The following PTPRN2 variants were observed in gnomAD, a reference collection of about 807,000 sequenced individuals.
The protein encoded by PTPRN2 is protein tyrosine phosphatase receptor type N2.
In PTPRN2, 74 loss-of-function variants were observed where a neutral mutation model predicts 118.8. The observed-to-expected ratio is 0.62, with a 90% CI of 0.52 to 0.76. PTPRN2 has a LOEUF of 0.76. PTPRN2 is among the 30% of genes least tolerant of loss of function. The pLI is 0.00. For synonymous variants in PTPRN2, 641 were observed against 608.0 expected, an observed-to-expected ratio of 1.05 and a Z score of -0.80; for missense variants, 1,481 against 1,394.4, an observed-to-expected ratio of 1.06 and a Z score of -0.99.
chr7:158,327,460 C>T (rs1454581864), intron 2 of PTPRN2, among the ~76,000 whole-genome samples: 1 of 142,778 alleles, frequency 7.0e-6, no homozygotes, highest in Non-Finnish European at 1.6e-5. Flanking sequence ...CCTGCTCACA[C>T]ATGTACACGT....
At chr7:157,712,756 A>C (rs1048798074) in intron 12 of PTPRN2, among the ~76,000 whole-genome samples, 3 of 106,238 alleles carry the variant, frequency 2.8e-5, no homozygotes, top group Non-Finnish European at 5.1e-5. Context: ...CATCTCAAAA[A>C]AAAAAAAAAA....
intron 11 of PTPRN2, among the ~76,000 whole-genome samples, chr7:158,042,498 G>A (rs963095361): frequency 3.3e-5 from 5 of 152,222 alleles, no homozygotes; most frequent in Admixed American, 6.5e-5. Context: ...AAAGAGATGA[G>A]AGATCCATGG....
At chr7:158,056,196 A>G (rs1809777957) in intron 11 of PTPRN2, among the ~76,000 whole-genome samples, 1 of 152,174 alleles carries the variant, frequency 6.6e-6, no homozygotes, top group South Asian at 2.1e-4. Context: ...ATCTCGCCTG[A>G]AAGGTCACCT....
At chr7:158,363,523 C>T (rs1809178210) in intron 2 of PTPRN2, among the ~76,000 whole-genome samples, 1 of 152,224 alleles carries the variant, frequency 6.6e-6, no homozygotes, top group African/African-American at 2.4e-5. Context: ...TCCTGGTGAG[C>T]GCTTTCCTGA....
chr7:158,458,783 G>A (rs1256733963), intron 2 of PTPRN2, among the ~76,000 whole-genome samples: 2 of 152,202 alleles, frequency 1.3e-5, no homozygotes, highest in East Asian at 3.9e-4. Context: ...TAAGAGCAGA[G>A]ACTCTGCCTC....
At chr7:158,412,787 C>G (rs1353440699) in intron 2 of PTPRN2, among the ~76,000 whole-genome samples, 2 of 134,196 alleles carry the variant, frequency 1.5e-5, no homozygotes, top group South Asian at 2.6e-4. Context: ...CCATCCAGCA[C>G]CCTCCTCAGC....
chr7:157,815,732 C>T (rs1311407381), intron 12 of PTPRN2, among the ~76,000 whole-genome samples: 1 of 152,178 alleles, frequency 6.6e-6, no homozygotes, highest in Non-Finnish European at 1.5e-5. Context: ...TGTAGAGATC[C>T]TGGGACAGAC....
chr7:158,138,826 A>G (rs1460533457), intron 6 of PTPRN2, among the ~76,000 whole-genome samples: 1 of 152,212 alleles, frequency 6.6e-6, no homozygotes. Context: ...CCAAGCCAGG[A>G]AGAGAGATGG....
intron 10 of PTPRN2, among the ~76,000 whole-genome samples, chr7:158,085,822 G>A (rs560727551): frequency 1.5e-4 from 9 of 58,684 alleles, no homozygotes; most frequent in African/African-American, 4.0e-4. Flanking sequence ...CCACACCCAC[G>A]ATGCCCATCC....
At chr7:158,399,835 G>C (rs921967258) in intron 2 of PTPRN2, among the ~76,000 whole-genome samples, 14 of 152,192 alleles carry the variant, frequency 9.2e-5, no homozygotes, top group African/African-American at 3.1e-4. Context: ...GTGTAGCTGA[G>C]GTATTTAAAC....
intron 14 of PTPRN2, among the ~76,000 whole-genome samples, chr7:157,650,334 C>G (rs1457502587): frequency 6.6e-6 from 1 of 152,248 alleles, no homozygotes; most frequent in African/African-American, 2.4e-5. Flanking sequence ...ATGTACCCCT[C>G]CATGTGCAGG....
chr7:157,651,316 T>C (rs1019595153), intron 14 of PTPRN2, among the ~76,000 whole-genome samples: 2 of 152,226 alleles, frequency 1.3e-5, no homozygotes, highest in African/African-American at 4.8e-5. Flanking sequence ...GTGCCCTCAG[T>C]GCCTCAGGAC....
intron 12 of PTPRN2, among the ~76,000 whole-genome samples, chr7:157,778,680 C>T (rs1803489376): frequency 6.6e-6 from 1 of 151,238 alleles, no homozygotes; most frequent in Non-Finnish European, 1.5e-5. Context: ...TAAACATGTC[C>T]ATGTGAATAC....
chr7:157,995,537 C>G (rs1403662762), intron 11 of PTPRN2, among the ~76,000 whole-genome samples: 2 of 152,274 alleles, frequency 1.3e-5, no homozygotes, highest in Non-Finnish European at 2.9e-5. Context: ...AAACACACCC[C>G]AAGGTTTGTT....
At chr7:158,511,475 T>C (rs953105524) in intron 1 of PTPRN2, among the ~76,000 whole-genome samples, 1 of 152,188 alleles carries the variant, frequency 6.6e-6, no homozygotes, top group African/African-American at 2.4e-5. Flanking sequence ...CATCCACATC[T>C]TGTAGAACAA....
At chr7:158,329,711 T>C (rs1178382443) in intron 2 of PTPRN2, among the ~76,000 whole-genome samples, 3 of 152,184 alleles carry the variant, frequency 2.0e-5, no homozygotes, top group Non-Finnish European at 4.4e-5. Flanking sequence ...TATTATCCCA[T>C]TGACGCCATG....
At chr7:157,665,917 C>T (rs911096175) in intron 13 of PTPRN2, among the ~76,000 whole-genome samples, 6 of 152,212 alleles carry the variant, frequency 3.9e-5, no homozygotes, top group Admixed American at 2.0e-4. Context: ...TCTCACTCAT[C>T]GGTGGGAAGT....
chr7:157,925,148 C>T (rs111800128), intron 11 of PTPRN2, among the ~76,000 whole-genome samples: 30 of 106,942 alleles, frequency 2.8e-4, no homozygotes, highest in Middle Eastern at 5.2e-3. Flanking sequence ...GCATTTAGCA[C>T]GTCAGGCAAA....
chr7:157,749,380 T>C (rs369465020), intron 12 of PTPRN2, among the ~76,000 whole-genome samples: 11 of 104,804 alleles, frequency 1.0e-4, no homozygotes, highest in South Asian at 3.8e-4. Context: ...CTGTGGCCTG[T>C]GTCCCTGAGC....
Sources: allele counts gnomAD v4.1 joint callset (sites outside exome capture counted in the v4.1 genomes callset), GRCh38; gene constraint gnomAD v4.1.1; transcripts MANE v1.5; gene names NCBI Gene and HGNC (gene_info 2026-07-23, HGNC 2026-07-21).